Variants in SPOCK1 observed in about 807,000 individuals in gnomAD.
The protein encoded by SPOCK1 is SPARC (osteonectin), cwcv and kazal like domains proteoglycan 1.
Under a neutral mutation model 55.3 loss-of-function variants are expected in SPOCK1, and 23 were observed. The ratio of observed to expected loss-of-function variants is 0.42; its 90% CI spans 0.30 to 0.59. The LOEUF (loss-of-function observed/expected upper bound fraction) is 0.59. Among genes scored for constraint, SPOCK1 ranks in the 20% least tolerant of loss-of-function variants. SPOCK1 has a pLI of 0.22. For synonymous variants in SPOCK1, 226 were observed against 221.0 expected (o/e 1.02, Z -0.20); for missense variants, 499 against 552.5 (o/e 0.90, Z 0.97).
rs1754531592 is a variant in SPOCK1, at chr5:137,160,629, T to TAATATATTATATAA, written c.233-19936_233-19935insTTATATAATATATT. Among the ~76,000 whole-genome samples the TAATATATTATATAA allele has an allele frequency of 3.1e-5, 3 of 95,624 alleles. No homozygotes were observed. In the South Asian group the frequency reaches 7.8e-4, roughly 25 times the overall value. 62.7% of individuals were successfully genotyped at this position (95,624 alleles called of 152,430 possible). A position where few individuals can be genotyped will look rare whatever the true frequency, so the allele number is the denominator to read the frequency against. On this transcript the variant is annotated intron_variant, in intron 3 of 10. Coordinates refer to ENST00000394945, the MANE Select transcript of SPOCK1 (RefSeq NM_004598.4). ...TATAATATATAATATATATTTTATA[T>TAATATATTATATAA]AATATATAATATATATTTTATATAA...
At chr5:137,220,504 A>G (rs931830166) in intron 3 of SPOCK1, among the ~76,000 whole-genome samples, 1 of 152,134 alleles carries the variant, frequency 6.6e-6, no homozygotes, top group African/African-American at 2.4e-5. Context: ...GGTTGTTTGT[A>G]TTTTACCCCA....
At chr5:136,990,466 G>A (rs1580696553) in intron 7 of SPOCK1, among the ~76,000 whole-genome samples, 1 of 149,712 alleles carries the variant, frequency 6.7e-6, no homozygotes, top group African/African-American at 2.5e-5. Context: ...TCTAGCTATT[G>A]TAAACTCTAT....
At chr5:137,474,203 T>C (rs1346774914) in intron 2 of SPOCK1, among the ~76,000 whole-genome samples, 3 of 151,662 alleles carry the variant, frequency 2.0e-5, no homozygotes, top group Non-Finnish European at 4.4e-5. Flanking sequence ...ATACCACCTA[T>C]ACCCCATATA....
At chr5:137,303,746 G>A (rs1276683151) in intron 2 of SPOCK1, among the ~76,000 whole-genome samples, 1 of 152,218 alleles carries the variant, frequency 6.6e-6, no homozygotes. Context: ...GGCTCCTGAA[G>A]CAGGTGGTGA....
At chr5:137,169,552 A>G (rs1393520881) in intron 3 of SPOCK1, among the ~76,000 whole-genome samples, 3 of 152,212 alleles carry the variant, frequency 2.0e-5, no homozygotes, top group Non-Finnish European at 4.4e-5. Context: ...CTAGATGCCC[A>G]CATCAAGGGC....
At chr5:137,465,425 C>T (rs1753598795) in intron 2 of SPOCK1, among the ~76,000 whole-genome samples, 1 of 152,112 alleles carries the variant, frequency 6.6e-6, no homozygotes, top group South Asian at 2.1e-4. Context: ...CTCATAACAA[C>T]ATTAAGACTA....
chr5:137,114,727 A>G (rs1297989861), intron 4 of SPOCK1, among the ~76,000 whole-genome samples: 1 of 152,234 alleles, frequency 6.6e-6, no homozygotes, highest in African/African-American at 2.4e-5. Flanking sequence ...CATCATTTAC[A>G]CAGCAGATTG....
intron 5 of SPOCK1, among the ~76,000 whole-genome samples, chr5:137,089,591 C>A (rs2127018634): frequency 6.6e-6 from 1 of 152,236 alleles, no homozygotes; most frequent in South Asian, 2.1e-4. Context: ...CCACACCTGC[C>A]AGTGCCTGAG....
chr5:136,984,883 G>GAGTT (rs1192557724), intron 9 of SPOCK1, among the ~76,000 whole-genome samples: 1 of 152,222 alleles, frequency 6.6e-6, no homozygotes, highest in African/African-American at 2.4e-5. Context: ...GATCAGGGAG[G>GAGTT]AGTTAGCAGT....
chr5:137,237,995 A>G (rs1249504597), intron 3 of SPOCK1, among the ~76,000 whole-genome samples: 1 of 152,200 alleles, frequency 6.6e-6, no homozygotes, highest in Non-Finnish European at 1.5e-5. Context: ...GAATATGGAC[A>G]CCGGGATGAA....
At chr5:137,040,760 G>A (rs890344870) in intron 6 of SPOCK1, among the ~76,000 whole-genome samples, 2 of 152,088 alleles carry the variant, frequency 1.3e-5, no homozygotes, top group Non-Finnish European at 2.9e-5. Context: ...TCAGCACTAG[G>A]AATCAGTTTT....
At chr5:137,150,173 G>C (rs1344726034) in intron 3 of SPOCK1, among the ~76,000 whole-genome samples, 2 of 152,122 alleles carry the variant, frequency 1.3e-5, no homozygotes, top group Non-Finnish European at 2.9e-5. Context: ...AACTCTATAA[G>C]AAGAAACATT....
intron 2 of SPOCK1, among the ~76,000 whole-genome samples, chr5:137,308,830 A>T (rs1757744203): frequency 6.6e-6 from 1 of 152,248 alleles, no homozygotes; most frequent in Non-Finnish European, 1.5e-5. Context: ...ACAATGATAC[A>T]TATCTAAACA....
In SPOCK1 at chr5:137,320,824, T is replaced by A. The variant is rs114397133; in HGVS notation, c.187-53769A>T. On this transcript the variant is annotated intron_variant, in intron 2 of 10. Coordinates refer to ENST00000394945, the MANE Select transcript of SPOCK1 (RefSeq NM_004598.4). The stretch of plus-strand genomic sequence containing the variant: ...TGGGGAAAGTGGTTGTGTTTTCAAA[T>A]GTGCAAATCCCAACACAAAATTATA... 4.8e-3 allele frequency among the ~76,000 whole-genome samples: 731 copies of A among 152,280 alleles called. 7 individuals carry two copies. The highest frequency in any genetic ancestry group is 0.016 in the African/African-American group (657 of 41,556).
chr5:137,232,963 A>T (rs1334581687), intron 3 of SPOCK1, among the ~76,000 whole-genome samples: 1 of 152,214 alleles, frequency 6.6e-6, no homozygotes, highest in Non-Finnish European at 1.5e-5. Flanking sequence ...TCTTTGTTTC[A>T]GGCTACATGG....
chr5:137,452,346 A>C (rs1010853066), intron 2 of SPOCK1, among the ~76,000 whole-genome samples: 3 of 152,202 alleles, frequency 2.0e-5, no homozygotes, highest in Non-Finnish European at 4.4e-5. Flanking sequence ...CATACTAAGA[A>C]AATATGAAAA....
chr5:137,241,348 T>A (rs1756275966), intron 3 of SPOCK1, among the ~76,000 whole-genome samples: 1 of 152,106 alleles, frequency 6.6e-6, no homozygotes, highest in Non-Finnish European at 1.5e-5. Context: ...AAGGCTAATA[T>A]CTCTCTATAT....
At chr5:137,212,611 T>G (rs139224694) in intron 3 of SPOCK1, among the ~76,000 whole-genome samples, 1 of 152,354 alleles carries the variant, frequency 6.6e-6, no homozygotes, top group Non-Finnish European at 1.5e-5. Flanking sequence ...TGATTAACAA[T>G]CTTATCTTGG....
At chr5:137,117,766 C>T (rs1471715616) in intron 4 of SPOCK1, among the ~76,000 whole-genome samples, 1 of 151,674 alleles carries the variant, frequency 6.6e-6, no homozygotes, top group African/African-American at 2.4e-5. Flanking sequence ...CTAGAAACAA[C>T]TGAGAAGTGG....
Sources: allele counts gnomAD v4.1 joint callset (sites outside exome capture counted in the v4.1 genomes callset), GRCh38; gene constraint gnomAD v4.1.1; transcripts MANE v1.5; gene names NCBI Gene and HGNC (gene_info 2026-07-23, HGNC 2026-07-21).